ZNF7: variants seen among roughly 807,000 people sequenced by gnomAD.
ZNF7 encodes zinc finger protein 7, also known as C2-H2 type zinc finger protein.
Under a neutral mutation model 12.0 loss-of-function variants are expected in ZNF7, and 10 were observed. The observed-to-expected ratio is 0.83, with a 90% CI of 0.51 to 1.42. The LOEUF (loss-of-function observed/expected upper bound fraction) is 1.42. Ranked by LOEUF, ZNF7 falls within the 40% of genes most tolerant of loss-of-function variation. The pLI, the probability that ZNF7 is intolerant of heterozygous loss-of-function variation, is 0.00. For synonymous variants in ZNF7, 334 were observed against 295.0 expected, an observed-to-expected ratio of 1.13 and a Z score of -1.35; for missense variants, 854 against 837.2, an observed-to-expected ratio of 1.02 and a Z score of -0.25.
intron 4 of ZNF7, chr8:144,841,105 G>C (rs1397744705): frequency 2.1e-6 from 1 of 480,748 alleles, no homozygotes; most frequent in African/African-American, 1.9e-5. Context: ...GGACCTCTCT[G>C]CTCACAGAAC....
At chr8:144,830,859 G>A (rs1828369518) in intron 3 of ZNF7, 2 of 445,630 alleles carry the variant, frequency 4.5e-6, no homozygotes, top group African/African-American at 2.0e-5. Flanking sequence ...TCAGCCTCCC[G>A]AGTAGCTGGG....
In ZNF7 at chr8:144,843,246, A is replaced by G. The variant is rs766639157; in HGVS notation, c.*78A>G. ...ACTTATTTTATATGGAATCGTTTAT[A>G]CTGACAAACATGTAGAATGTTGGTA... On this transcript the variant is annotated 3_prime_UTR_variant, in exon 5 of 5. Coordinates refer to ENST00000532777, the MANE Select transcript of ZNF7 (RefSeq NM_003416.4). 2.0e-5 allele frequency: 29 copies of G among 1,436,664 alleles called. No homozygotes were observed. Among genetic ancestry groups the G allele is most frequent in the Non-Finnish European group, 2.7e-5 (29 of 1,070,592 alleles). The allele number at this position is 1,436,664 out of a possible 1,614,324, so 89.0% of individuals were successfully genotyped here. A position where few individuals can be genotyped will look rare whatever the true frequency, so the allele number is the denominator to read the frequency against.
At chr8:144,831,699 C>T (rs1450562719) in intron 3 of ZNF7, among the ~76,000 whole-genome samples, 50 of 100,446 alleles carry the variant, frequency 5.0e-4, no homozygotes, top group South Asian at 1.6e-3. Flanking sequence ...ACGAGAATCG[C>T]TTGAACCCTG....
intron 2 of ZNF7, 185 bp downstream of exon 2, chr8:144,829,275 G>A (rs537961785): frequency 3.9e-6 from 6 of 1,532,466 alleles, no homozygotes; most frequent in South Asian, 2.5e-5. Context: ...AGGCTCTTGA[G>A]GGGGGAGGGT....
At chr8:144,844,795 A>G (rs1830418478), downstream of ZNF7, among the ~76,000 whole-genome samples, 1 of 150,934 alleles carries the variant, frequency 6.6e-6, no homozygotes, top group Non-Finnish European at 1.5e-5. Context: ...GAACCTGAGA[A>G]GGGGTGATGA....
chr8:144,832,258 C>CAA lies in ZNF7; in HGVS notation c.130+2668_130+2669dup, dbSNP rs745868619. 2.8e-4 allele frequency among the ~76,000 whole-genome samples: 19 copies of CAA among 68,584 alleles called. 3 individuals carry two copies. Among genetic ancestry groups the CAA allele is most frequent in the African/African-American group, 6.9e-4 (17 of 24,744 alleles). 45.0% of individuals were successfully genotyped at this position (68,584 alleles called of 152,430 possible). A position where few individuals can be genotyped will look rare whatever the true frequency, so the allele number is the denominator to read the frequency against. On this transcript the variant is annotated intron_variant, in intron 3 of 4. Transcript: ENST00000532777. ...GTGAAACCCTGTCTTTATTAAAATG[C>CAA]AAAAAAAAAAAAAAATTAGCTGGGC...
At chr8:144,833,342 GT>G (rs1418111031) in intron 3 of ZNF7, among the ~76,000 whole-genome samples, 1 of 140,726 alleles carries the variant, frequency 7.1e-6, no homozygotes. Context: ...GTTTGTTTTG[GT>G]TTTTTTTTGT....
At chr8:144,834,731 A>G (rs1828800241) in intron 3 of ZNF7, 2 of 149,066 alleles carry the variant, frequency 1.3e-5, no homozygotes, top group African/African-American at 4.9e-5. Flanking sequence ...ATATATATGT[A>G]TATATATTTC....
Position 144,829,510 on chromosome 8 carries a change from C to T in ZNF7, c.36C>T (p.His12=). ...TAACATTTGGCGATGTGGCTGTGCA[C>T]TTCTCTCGGGAGGAGTGGCAGTGTC... ...EVVTFGDVAV[H]FSREEWQCLD... Residue 12 remains histidine (H), a synonymous_variant, in exon 3 of 5, where the codon CAC becomes CAT. Coordinates refer to ENST00000532777, the MANE Select transcript of ZNF7 (RefSeq NM_003416.4). 1.2e-6 allele frequency: 2 copies of T among 1,614,172 alleles called. No individual in the cohort carries two copies. The highest frequency in any genetic ancestry group is 1.7e-6 in the Non-Finnish European group (2 of 1,180,020).
chr8:144,845,101 T>C (rs746159684), downstream of ZNF7, among the ~76,000 whole-genome samples: 1 of 152,132 alleles, frequency 6.6e-6, no homozygotes, highest in African/African-American at 2.4e-5. Flanking sequence ...GGATGTAATT[T>C]ATGGTGCGGG....
chr8:144,828,937 A>G (rs1828113047), intron 1 of ZNF7, 106 bp from the exon 2 acceptor site: 1 of 1,438,970 alleles, frequency 6.9e-7, no homozygotes, highest in Non-Finnish European at 9.4e-7. Context: ...TGCTAGAGAA[A>G]TCTGGGGCTG....
At chr8:144,841,253 G>A (rs1829868330) in intron 4 of ZNF7, 102 bp from the exon 5 acceptor site, 2 of 1,226,222 alleles carry the variant, frequency 1.6e-6, no homozygotes, top group African/African-American at 1.5e-5. Flanking sequence ...AGTGCTCAGT[G>A]CAACTATCCT....
chr8:144,836,259 T>G (rs906749525), intron 3 of ZNF7: 1 of 152,184 alleles, frequency 6.6e-6, no homozygotes, highest in African/African-American at 2.4e-5. Context: ...GGCGGGAGGA[T>G]TGGCCTAGGC....
Position 144,841,554 on chromosome 8 carries a change from A to C in ZNF7, c.447A>C (p.Gln149His). 1.2e-6 allele frequency: 2 copies of C among 1,614,134 alleles called. No individual in the cohort carries two copies. The highest frequency in any genetic ancestry group is 1.7e-6 in the Non-Finnish European group (2 of 1,180,026). ...TGAAAGTGACAGGCTTTACCTTCCA[A>C]AATAACTGTTTGAATGAGGAGACTG... The part of the protein sequence containing the change: ...PGLKVTGFTF[Q>H]NNCLNEETVV... Residue 149 changes from glutamine to histidine, a missense_variant, in exon 5 of 5, where the codon CAA (glutamine) becomes CAC (histidine). Coordinates refer to ENST00000532777, the MANE Select transcript of ZNF7 (RefSeq NM_003416.4).
rs759808315 is a variant in ZNF7, at chr8:144,842,730, AAT to A, written c.1625_1626del (p.Ile542ThrfsTer12). 2.9e-5 allele frequency: 46 copies of A among 1,613,874 alleles called. No homozygotes were observed. The highest frequency in any genetic ancestry group is 3.4e-6 in the Non-Finnish European group (4 of 1,179,944). ...KAFSMSTQLT[I>X]HQRVHTGERP... is the part of the protein sequence containing the mutation. ...CCTTCAGTATGAGCACACAGCTTAC[AAT>A]ACATCAAAGGGTTCACACTGGAGAG... is the stretch of plus-strand genomic sequence containing the variant. On this transcript the variant is annotated frameshift_variant, in exon 5 of 5. Coordinates refer to ENST00000532777, the MANE Select transcript of ZNF7 (RefSeq NM_003416.4). LOFTEE classifies it low-confidence loss of function (END_TRUNC).
intron 4 of ZNF7, among the ~76,000 whole-genome samples, chr8:144,840,314 T>C (rs555411484): frequency 7.8e-4 from 119 of 152,278 alleles, no homozygotes; most frequent in African/African-American, 2.8e-3. Flanking sequence ...CCAGGACTGA[T>C]AGGAAGACCT....
chr8:144,845,288 G>C (rs903199945), downstream of ZNF7, among the ~76,000 whole-genome samples: 3 of 152,138 alleles, frequency 2.0e-5, no homozygotes, highest in South Asian at 6.2e-4. Context: ...CCATTCCCAT[G>C]ACGCAGAGGC....
chr8:144,846,103 G>A (rs187048251), downstream of ZNF7: 1,658 of 1,535,990 alleles, frequency 1.1e-3, 14 homozygotes, highest in African/African-American at 0.019. Context: ...CTGGGCTCTC[G>A]TCATCTCCTC....
Position 144,841,443 on chromosome 8 carries a change from C to A in ZNF7, c.336C>A (p.Ser112=), listed in dbSNP as rs548509717. The change falls in exon 5 of 5, where the codon TCC becomes TCA. Residue 112 remains serine (S), a synonymous_variant. Coordinates refer to ENST00000532777, the MANE Select transcript of ZNF7 (RefSeq NM_003416.4). ...CCTATGGGACAGTGGTCAGAATCTC[C>A]CCACAGGACTTTCCTCAGAATCCTG... ...SESYGTVVRI[S]PQDFPQNPGF... 6.2e-7 allele frequency: 1 copy of A among 1,614,210 alleles called. No individual in the cohort carries two copies. Among genetic ancestry groups the A allele is most frequent in the South Asian group, 1.1e-5 (1 of 91,086 alleles).
Sources: allele counts gnomAD v4.1 joint callset (sites outside exome capture counted in the v4.1 genomes callset), GRCh38; gene constraint gnomAD v4.1.1; transcripts MANE v1.5; gene names NCBI Gene and HGNC (gene_info 2026-07-23, HGNC 2026-07-21).